The following FGF14 variants were observed in gnomAD, a reference collection of about 807,000 sequenced individuals.
FGF14 encodes the protein fibroblast growth factor 14, also known as fibroblast growth factor homologous factor 4.
FGF14 carries 5 observed loss-of-function variants against 25.5 expected under a neutral mutation model. The observed-to-expected ratio is 0.20, with a 90% CI of 0.10 to 0.41. FGF14 has a LOEUF of 0.41. Ranked by LOEUF, FGF14 falls within the 10% of genes least tolerant of loss-of-function variation. FGF14 has a pLI of 1.00. For synonymous variants in FGF14, 138 were observed against 118.3 expected (o/e 1.17, Z -1.08); for missense variants, 222 against 320.1 (o/e 0.69, Z 2.34).
chr13:102,199,982 A>G (rs746603333), intron 1 of FGF14, among the ~76,000 whole-genome samples: 2 of 152,176 alleles, frequency 1.3e-5, no homozygotes, highest in Non-Finnish European at 2.9e-5. Context: ...CAATAGAAAG[A>G]TCACAGGGCT....
Position 101,712,302 on chromosome 13 carries a change from T to C in FGF14, c.*10529A>G, listed in dbSNP as rs1209290636. Reference sequence around the variant, plus strand: ...CAAAATCAATCCTCATTTTTTATTCTAAGTATTTCAGCGACTAGTAGACTT... The same window carrying C: ...CAAAATCAATCCTCATTTTTTATTCCAAGTATTTCAGCGACTAGTAGACTT... On this transcript the variant is annotated 3_prime_UTR_variant, in exon 5 of 5. Transcript: ENST00000376143. 6.6e-6 allele frequency: 1 copy of C among 152,198 alleles called. No individual in the cohort carries two copies. Among genetic ancestry groups the C allele is most frequent in the Non-Finnish European group, 1.5e-5 (1 of 68,044 alleles). 9.4% of individuals were successfully genotyped at this position (152,198 alleles called of 1,614,324 possible).
intron 1 of FGF14, among the ~76,000 whole-genome samples, chr13:102,156,254 A>C (rs2047331957): frequency 6.6e-6 from 1 of 152,192 alleles, no homozygotes; most frequent in African/African-American, 2.4e-5. Flanking sequence ...CAATGCAAAA[A>C]TCCTCAATAA....
At chr13:102,216,005 G>A (rs2140938395) in intron 1 of FGF14, among the ~76,000 whole-genome samples, 1 of 152,306 alleles carries the variant, frequency 6.6e-6, no homozygotes, top group East Asian at 1.9e-4. Flanking sequence ...AGGAGAAGAT[G>A]TGCAGACTGA....
At chr13:102,223,716 G>T (rs1220760716) in intron 1 of FGF14, among the ~76,000 whole-genome samples, 1 of 152,008 alleles carries the variant, frequency 6.6e-6, no homozygotes, top group East Asian at 1.9e-4. Flanking sequence ...TTCAATCTCT[G>T]TAAATATCTA....
At chr13:102,240,124 T>C (rs1220382630) in intron 1 of FGF14, among the ~76,000 whole-genome samples, 1 of 152,190 alleles carries the variant, frequency 6.6e-6, no homozygotes, top group Non-Finnish European at 1.5e-5. Flanking sequence ...GCTGTCTCCT[T>C]GCACCTGCAT....
chr13:102,038,383 C>CTGAA (rs1298921821), intron 1 of FGF14, among the ~76,000 whole-genome samples: 1 of 152,132 alleles, frequency 6.6e-6, no homozygotes. Flanking sequence ...AAGAGATTGA[C>CTGAA]TGAAGCCTGC....
Position 101,848,887 on chromosome 13 carries a change from C to CA in FGF14, c.408+19837dup, listed in dbSNP as rs901185206. ...TGTTTGGAATTTAAAGAAACTCATA[C>CA]AAAAAAAATCTTCTGAATGTTAATA... On this transcript the variant is annotated intron_variant, in intron 3 of 4. Transcript: ENST00000376143. Among the ~76,000 whole-genome samples, 68 of 151,604 alleles carry CA rather than the reference C, an allele frequency of 4.5e-4. 1 individual carries two copies. Among genetic ancestry groups the CA allele is most frequent in the African/African-American group, 1.4e-3 (59 of 41,372 alleles).
intron 1 of FGF14, among the ~76,000 whole-genome samples, chr13:102,256,546 G>A (rs1004232258): frequency 2.0e-5 from 3 of 152,060 alleles, no homozygotes; most frequent in Non-Finnish European, 2.9e-5. Context: ...AAACAGAGGC[G>A]CCTAGCAACT....
intron 1 of FGF14, among the ~76,000 whole-genome samples, chr13:102,186,509 A>G (rs752912251): frequency 1.3e-5 from 2 of 152,212 alleles, no homozygotes; most frequent in Non-Finnish European, 2.9e-5. Context: ...TCTTTAAAGT[A>G]GTGTAAAAAT....
chr13:101,867,934 A>ACACACGCG (rs1423363736), intron 3 of FGF14, among the ~76,000 whole-genome samples: 59 of 133,910 alleles, frequency 4.4e-4, no homozygotes, highest in Admixed American at 8.7e-4. Flanking sequence ...ACACACACAC[A>ACACACGCG]CGCGCACACA....
intron 3 of FGF14, among the ~76,000 whole-genome samples, chr13:101,753,806 A>G (rs533050335): frequency 6.6e-6 from 1 of 151,720 alleles, no homozygotes; most frequent in East Asian, 1.9e-4. Flanking sequence ...TCCGTCTCAA[A>G]AAAAAAAAAA....
At chr13:101,893,940 T>C (rs1032129438) in intron 1 of FGF14, among the ~76,000 whole-genome samples, 1 of 151,848 alleles carries the variant, frequency 6.6e-6, no homozygotes, top group Non-Finnish European at 1.5e-5. Flanking sequence ...TTTCTTTGAC[T>C]CCCAGAGGCA....
At chr13:101,850,288 A>G (rs1321692743) in intron 3 of FGF14, among the ~76,000 whole-genome samples, 3 of 134,684 alleles carry the variant, frequency 2.2e-5, no homozygotes, top group Non-Finnish European at 4.7e-5. Flanking sequence ...CCAAAAAAAA[A>G]AAAAAAAAAA....
Position 101,718,054 on chromosome 13 carries a change from T to C in FGF14, c.*4777A>G, listed in dbSNP as rs2034791940. On this transcript the variant is annotated 3_prime_UTR_variant, in exon 5 of 5. Coordinates refer to ENST00000376143, the MANE Select transcript of FGF14 (RefSeq NM_004115.4). ...AGTTCAAAATGTGATTCATCTAAAA[T>C]TTTGGACAAAGATGAAAATATAGTC... The C allele has an allele frequency of 6.6e-6, 1 of 152,160 alleles. No homozygotes were observed. The highest frequency in any genetic ancestry group is 1.5e-5 in the Non-Finnish European group (1 of 68,024). The allele number at this position is 152,160 out of a possible 1,614,324, so 9.4% of individuals were successfully genotyped here.
chr13:101,906,270 C>A (rs1184261073), intron 1 of FGF14, among the ~76,000 whole-genome samples: 1 of 152,062 alleles, frequency 6.6e-6, no homozygotes, highest in Non-Finnish European at 1.5e-5. Flanking sequence ...AATTATTGAA[C>A]AATCTAAGCC....
intron 1 of FGF14, among the ~76,000 whole-genome samples, chr13:102,189,029 A>AAT (rs1566797171): frequency 1.1e-3 from 81 of 74,362 alleles, no homozygotes; most frequent in Middle Eastern, 9.1e-3. Context: ...AAAGAAGAAA[A>AAT]GAAAGAAAGA....
At chr13:101,941,024 A>G (rs894398060) in intron 1 of FGF14, among the ~76,000 whole-genome samples, 1 of 152,204 alleles carries the variant, frequency 6.6e-6, no homozygotes, top group African/African-American at 2.4e-5. Context: ...TTGATCCTGC[A>G]GGTCAAGTGA....
At position 101,843,486 on chromosome 13, in the gene FGF14, G is replaced by A. The variant is rs147112667; in HGVS notation, c.408+25239C>T. ...TCAGATGTTCTGCCACCATTTATTC[G>A]TAAGTATTTCAAGTCCATATGTATG... On this transcript the variant is annotated intron_variant, in intron 3 of 4. Transcript: ENST00000376143. Among the ~76,000 whole-genome samples, 74 of 152,000 alleles carry A rather than the reference G, an allele frequency of 4.9e-4. No homozygotes were observed. The East Asian group carries it at 9.7e-3, about 20-fold the overall frequency.
chr13:101,778,927 G>T (rs929024598), intron 3 of FGF14: 3 of 152,040 alleles, frequency 2.0e-5, no homozygotes, highest in Middle Eastern at 3.5e-3. Flanking sequence ...CAATTATGCA[G>T]CCGAGTGAGT....
Sources: gnomAD v4.1 joint callset for allele counts (sites outside exome capture counted in the v4.1 genomes callset) on GRCh38, gnomAD v4.1.1 for gene constraint, MANE v1.5 for transcripts, NCBI Gene and HGNC (gene_info 2026-07-23, HGNC 2026-07-21) for gene names.